Variants in FGD3 observed in about 807,000 individuals in gnomAD.
FGD3 encodes the protein FYVE, RhoGEF and PH domain-containing protein 3.
Under a neutral mutation model 71.8 loss-of-function variants are expected in FGD3, and 45 were observed. The observed-to-expected ratio is 0.63, with a 90% confidence interval of 0.49 to 0.80. FGD3 has a LOEUF of 0.80. Among genes scored for constraint, FGD3 ranks in the 30% least tolerant of loss-of-function variants. The pLI is 0.00. For synonymous variants in FGD3, 378 were observed against 392.8 expected (o/e 0.96, Z 0.44); for missense variants, 844 against 951.5 (o/e 0.89, Z 1.49).
At chr9:92,977,618 A>C (rs1421641124) in intron 3 of FGD3, among the ~76,000 whole-genome samples, 1 of 152,122 alleles carries the variant, frequency 6.6e-6, no homozygotes, top group Non-Finnish European at 1.5e-5. Context: ...ACTCAGGTGT[A>C]GGAAGGATCA....
chr9:93,026,550 A>AC (rs1862121354), intron 14 of FGD3, among the ~76,000 whole-genome samples: 1 of 152,136 alleles, frequency 6.6e-6, no homozygotes, highest in African/African-American at 2.4e-5. Context: ...GCCAGGACCC[A>AC]CCCCAAGTGC....
chr9:93,019,717 G>A (rs1861840463), intron 11 of FGD3, 114 bp from the exon 12 acceptor site: 1 of 1,012,722 alleles, frequency 9.9e-7, no homozygotes, highest in Non-Finnish European at 1.6e-6. Context: ...CAATCCTTGA[G>A]CTGCGTTGAC....
intron 1 of FGD3, among the ~76,000 whole-genome samples, chr9:92,957,489 C>G (rs1859081703): frequency 6.6e-6 from 1 of 151,808 alleles, no homozygotes; most frequent in African/African-American, 2.4e-5. Context: ...TACTTATTGT[C>G]TATTTAGGTA....
chr9:93,008,226 T>C (rs1271767641), intron 6 of FGD3, among the ~76,000 whole-genome samples: 1 of 152,192 alleles, frequency 6.6e-6, no homozygotes, highest in Non-Finnish European at 1.5e-5. Flanking sequence ...TCACTAAACA[T>C]GTGAACAAGG....
chr9:92,950,037 T>A (rs1308060699), intron 1 of FGD3, among the ~76,000 whole-genome samples: 5 of 15,710 alleles, frequency 3.2e-4, no homozygotes, highest in Admixed American at 3.1e-3. Flanking sequence ...TTCCTTCCTC[T>A]TTTTTTTTTT....
At position 92,970,887 on chromosome 9, in the gene FGD3, C is replaced by T. The variant is rs370932852; in HGVS notation, c.-217-4351C>T. ...GTTGCTGCTGGCAAAAGCCTTTGGC[C>T]GCAGAGGGGCTCTGCCCGGCTACAC... On this transcript the variant is annotated intron_variant, in intron 1 of 17. Coordinates refer to ENST00000375482, the MANE Select transcript of FGD3 (RefSeq NM_001083536.2). Among the ~76,000 whole-genome samples the T allele has an allele frequency of 9.9e-4, 151 of 152,370 alleles. 1 individual carries two copies. Among genetic ancestry groups the T allele is most frequent in the African/African-American group, 3.5e-3 (146 of 41,588 alleles).
At chr9:93,007,775 A>G (rs1327042233) in intron 6 of FGD3, among the ~76,000 whole-genome samples, 2 of 152,220 alleles carry the variant, frequency 1.3e-5, no homozygotes, top group African/African-American at 4.8e-5. Context: ...CCATCCAGCC[A>G]TTCCCTGAAG....
rs1050437989 is a variant in FGD3, at chr9:92,969,646, C to T, written c.-217-5592C>T. Among the ~76,000 whole-genome samples, 3 of 152,166 alleles carry T rather than the reference C, an allele frequency of 2.0e-5. No homozygotes were observed. The highest frequency in any genetic ancestry group is 3.4e-3 in the Middle Eastern group (1 of 294). On this transcript the variant is annotated intron_variant, in intron 1 of 17. Coordinates refer to ENST00000375482, the MANE Select transcript of FGD3 (RefSeq NM_001083536.2). The surrounding 1 kb of genome is among the most constrained non-coding windows in gnomAD (Gnocchi z 4.5). ...TCCAGGCAGCACAGTGGACAGGTGC[C>T]GTGGTGGGTTTCTTTCAGATGGGGG...
At chr9:93,022,633 C>G (rs1861966616) in intron 14 of FGD3, among the ~76,000 whole-genome samples, 1 of 152,068 alleles carries the variant, frequency 6.6e-6, no homozygotes, top group Non-Finnish European at 1.5e-5. Context: ...AAGGTGGGCA[C>G]GCAGAGGCCT....
intron 15 of FGD3, among the ~76,000 whole-genome samples, chr9:93,031,463 C>T (rs1384586074): frequency 1.3e-5 from 2 of 152,234 alleles, no homozygotes; most frequent in South Asian, 2.1e-4. Flanking sequence ...ACTGCATCTC[C>T]GTGTCAGCCT....
intron 14 of FGD3, among the ~76,000 whole-genome samples, chr9:93,028,236 A>C (rs936305182): frequency 1.6e-4 from 22 of 141,858 alleles, no homozygotes; most frequent in East Asian, 6.1e-4. Flanking sequence ...ACACACACAC[A>C]CCCCAATTTT....
chr9:92,991,722 G>C (rs1564153300), intron 3 of FGD3, among the ~76,000 whole-genome samples: 1 of 152,126 alleles, frequency 6.6e-6, no homozygotes, highest in African/African-American at 2.4e-5. Context: ...CTGTCTAGAT[G>C]ATCTATCTAA....
intron 1 of FGD3, among the ~76,000 whole-genome samples, chr9:92,958,414 A>G (rs1275174709): frequency 1.3e-5 from 2 of 152,224 alleles, no homozygotes; most frequent in Non-Finnish European, 2.9e-5. Context: ...CTCTTTATCA[A>G]CATCCTCCCC....
At chr9:92,993,222 C>T (rs1395851161) in intron 3 of FGD3, among the ~76,000 whole-genome samples, 1 of 152,172 alleles carries the variant, frequency 6.6e-6, no homozygotes, top group Non-Finnish European at 1.5e-5. Context: ...ACCTCAACCT[C>T]CTGAGTAGGG....
At chr9:92,990,099 T>C (rs1178811007) in intron 3 of FGD3, among the ~76,000 whole-genome samples, 1 of 152,140 alleles carries the variant, frequency 6.6e-6, no homozygotes, top group Admixed American at 6.5e-5. Context: ...AATTTTTTTT[T>C]ATCAGTTCTA....
Position 93,030,014 on chromosome 9 carries a change from G to A in FGD3, c.1680+18G>A, listed in dbSNP as rs768061793. On this transcript the variant is annotated intron_variant, in intron 15 of 17. Coordinates refer to ENST00000375482, the MANE Select transcript of FGD3 (RefSeq NM_001083536.2). ...GTGGGGCGGTGAGTCCCGGGAGAGGGGGACAGGGACAGGAGGCCACCCTGT... is the reference window on the plus strand; with the variant it reads ...GTGGGGCGGTGAGTCCCGGGAGAGGAGGACAGGGACAGGAGGCCACCCTGT... The A allele has an allele frequency of 6.2e-7, 1 of 1,608,382 alleles. No individual in the cohort carries two copies. The highest frequency in any genetic ancestry group is 1.3e-5 in the African/African-American group (1 of 74,874).
At position 93,034,681 on chromosome 9, in the gene FGD3, G is replaced by T; in HGVS notation, c.1926G>T (p.Gln642His). ...TGCTGCACCTGCAGGGAGGCAGCCA[G>T]GTACGTGTCCCCACCCCACCAGGCC... ...PQVLHLQGGSQDGRLPRTIPL... is the reference protein window; with the variant it reads ...PQVLHLQGGSHDGRLPRTIPL... The change falls in exon 17 of 18, where the codon CAG becomes CAT. Residue 642 changes from glutamine (Q) to histidine (H), a missense_variant and splice_region_variant. Physicochemically the swap from Gln to His is conservative, Grantham distance 24. Coordinates refer to ENST00000375482, the MANE Select transcript of FGD3 (RefSeq NM_001083536.2). 6.2e-7 allele frequency: 1 copy of T among 1,612,232 alleles called. No individual in the cohort carries two copies. Among genetic ancestry groups the T allele is most frequent in the Non-Finnish European group, 8.5e-7 (1 of 1,179,378 alleles).
At position 92,976,418 on chromosome 9, in the gene FGD3, C is replaced by T. The variant is rs764703469; in HGVS notation, c.162C>T (p.Asp54=). ...CTGTCAGCCTGGCTGCAGCAGGGGA[C>T]GGCTCTCCAGACATAGGCCCCACGG... ...GDPVSLAAAG[D]GSPDIGPTGE... is the part of the protein sequence containing the mutation. The change falls in exon 3 of 18, where the codon GAC becomes GAT. Residue 54 remains aspartate (D), a synonymous_variant. Transcript: ENST00000375482. 77 of 1,611,556 alleles carry T rather than the reference C, an allele frequency of 4.8e-5. No homozygotes were observed. In the East Asian group the frequency reaches 8.5e-4, roughly 18 times the overall value.
At position 93,035,500 on chromosome 9, in the gene FGD3, A is replaced by G; in HGVS notation, c.2089A>G (p.Thr697Ala). ...AGAGCTGCAGCAGCAGTGGCTGGAA[A>G]CCCTAAGCACTGCTGCCCATGGGGA... ...SAELQQQWLETLSTAAHGDTA... is the reference protein window; with the variant it reads ...SAELQQQWLEALSTAAHGDTA... The change falls in exon 18 of 18, where the codon ACC becomes GCC. Residue 697 changes from threonine (T) to alanine (A), a missense_variant. Thr to Ala is a moderately conservative substitution (Grantham distance 58). Coordinates refer to ENST00000375482, the MANE Select transcript of FGD3 (RefSeq NM_001083536.2). 1 of 1,613,030 alleles carries G rather than the reference A, an allele frequency of 6.2e-7. No individual in the cohort carries two copies. Among genetic ancestry groups the G allele is most frequent in the Non-Finnish European group, 8.5e-7 (1 of 1,179,968 alleles).
Sources: gnomAD v4.1 joint callset for allele counts (sites outside exome capture counted in the v4.1 genomes callset) on GRCh38, gnomAD v4.1.1 for gene constraint, Gnocchi (gnomAD v3.1) non-coding constraint, MANE v1.5 for transcripts, NCBI Gene and HGNC (gene_info 2026-07-23, HGNC 2026-07-21) for gene names.